The following CCDC178 variants were observed in gnomAD, a reference collection of about 807,000 sequenced individuals.
CCDC178 encodes coiled-coil domain-containing protein 178.
A neutral mutation model predicts 117.4 loss-of-function variants in CCDC178; 126 were observed. The observed-to-expected ratio is 1.07, with a 90% CI of 0.93 to 1.24. The LOEUF is 1.24. Ranked by LOEUF, CCDC178 falls within the 50% of genes most tolerant of loss-of-function variation. The pLI, the probability that CCDC178 is intolerant of heterozygous loss-of-function variation, is 0.00. For missense variants in CCDC178, 1,030 were observed against 986.9 expected, an observed-to-expected ratio of 1.04 and a Z score of -0.59; for synonymous variants, 283 against 313.4, an observed-to-expected ratio of 0.90 and a Z score of 1.02.
At chr18:33,086,649 A>C (rs1003044246) in intron 21 of CCDC178, among the ~76,000 whole-genome samples, 1 of 152,072 alleles carries the variant, frequency 6.6e-6, no homozygotes, top group Non-Finnish European at 1.5e-5. Context: ...ATGCAGTTTA[A>C]ATCTCTAAGA....
chr18:33,177,792 T>C (rs2058680689), intron 20 of CCDC178, among the ~76,000 whole-genome samples: 1 of 152,158 alleles, frequency 6.6e-6, no homozygotes, highest in South Asian at 2.1e-4. Context: ...TTATCTCTAG[T>C]ATCTTTTACT....
intron 20 of CCDC178, among the ~76,000 whole-genome samples, chr18:33,113,996 G>C (rs2057817950): frequency 6.6e-6 from 1 of 151,948 alleles, no homozygotes; most frequent in African/African-American, 2.4e-5. Flanking sequence ...TATTATAGAT[G>C]CTATTTGGTA....
chr18:33,345,655 A>T (rs2062881756), intron 9 of CCDC178, among the ~76,000 whole-genome samples: 1 of 152,190 alleles, frequency 6.6e-6, no homozygotes, highest in East Asian at 1.9e-4. Flanking sequence ...TAGTCATTAT[A>T]GGATATATGC....
chr18:33,249,127 T>C (rs1308587287), intron 14 of CCDC178, among the ~76,000 whole-genome samples: 1 of 152,120 alleles, frequency 6.6e-6, no homozygotes. Context: ...TGTTTTTCTC[T>C]TGTAAATTTG....
At chr18:33,180,631 C>G (rs958268712) in intron 20 of CCDC178, among the ~76,000 whole-genome samples, 1 of 151,888 alleles carries the variant, frequency 6.6e-6, no homozygotes, top group Admixed American at 6.6e-5. Context: ...CAGAATGTGA[C>G]CTACTTCAAT....
At chr18:33,349,480 T>C (rs2062942086) in intron 7 of CCDC178, among the ~76,000 whole-genome samples, 1 of 151,938 alleles carries the variant, frequency 6.6e-6, no homozygotes, top group Non-Finnish European at 1.5e-5. Context: ...TCATAGAAAG[T>C]TCTACTGGAC....
intron 20 of CCDC178, 91 bp from the exon 21 acceptor site, chr18:33,093,001 T>A: frequency 1.3e-6 from 1 of 780,286 alleles, no homozygotes; most frequent in Non-Finnish European, 1.9e-6. Flanking sequence ...TTACATCTTT[T>A]AAATTATCTA....
Position 32,974,596 on chromosome 18 carries a change from T to C in CCDC178, c.2474A>G (p.Asn825Ser). Reference sequence around the variant, plus strand: ...ACTCTCCTGAGAGTCTGTCTGGAAGTTGGCCAGCCTCATCTGGCTGAAGAG... The same window carrying C: ...ACTCTCCTGAGAGTCTGTCTGGAAGCTGGCCAGCCTCATCTGGCTGAAGAG... ...VVLFSQMRLA[N>S]FQTDSQESIQ... The change falls in exon 22 of 23, where the codon AAC becomes AGC. Residue 825 changes from asparagine (N) to serine (S), a missense_variant. By Grantham distance (46) the Asn-to-Ser change is conservative. Coordinates refer to ENST00000383096, the MANE Select transcript of CCDC178 (RefSeq NM_001105528.4). 2 of 1,613,722 alleles carry C rather than the reference T, an allele frequency of 1.2e-6. No homozygotes were observed. Among genetic ancestry groups the C allele is most frequent in the African/African-American group, 1.3e-5 (1 of 75,024 alleles).
At chr18:33,367,259 G>T (rs1262508075) in intron 6 of CCDC178, among the ~76,000 whole-genome samples, 1 of 151,926 alleles carries the variant, frequency 6.6e-6, no homozygotes, top group Non-Finnish European at 1.5e-5. Context: ...CCAAACAATT[G>T]AACTCATGAA....
chr18:33,126,613 C>T (rs1473720096), intron 20 of CCDC178, among the ~76,000 whole-genome samples: 1 of 151,700 alleles, frequency 6.6e-6, no homozygotes, highest in African/African-American at 2.4e-5. Context: ...GTTGGTCCTC[C>T]TGTATGCGTG....
At chr18:33,162,179 T>C (rs2058472873) in intron 20 of CCDC178, among the ~76,000 whole-genome samples, 1 of 152,084 alleles carries the variant, frequency 6.6e-6, no homozygotes, top group Non-Finnish European at 1.5e-5. Context: ...CCGGGGCCTA[T>C]TGTGGGGTGA....
At chr18:33,186,595 C>A (rs1024065869) in intron 20 of CCDC178, among the ~76,000 whole-genome samples, 2 of 152,022 alleles carry the variant, frequency 1.3e-5, no homozygotes, top group African/African-American at 4.8e-5. Context: ...CAGAGAAACT[C>A]TCCTCCCTGA....
chr18:33,417,274 T>C (rs958978343), intron 2 of CCDC178, among the ~76,000 whole-genome samples: 6 of 152,180 alleles, frequency 3.9e-5, no homozygotes, highest in Admixed American at 2.0e-4. Flanking sequence ...AGGAAGACTA[T>C]TGATACATGC....
chr18:33,251,519 A>T (rs140886433), intron 14 of CCDC178, among the ~76,000 whole-genome samples: 102 of 151,862 alleles, frequency 6.7e-4, no homozygotes, highest in African/African-American at 2.3e-3. Flanking sequence ...TGTGCTGCTA[A>T]TGAAGCTTAA....
intron 21 of CCDC178, among the ~76,000 whole-genome samples, chr18:32,996,349 A>G (rs1202753181): frequency 6.6e-6 from 1 of 151,952 alleles, no homozygotes; most frequent in Non-Finnish European, 1.5e-5. Context: ...CAAAGACTTT[A>G]TAATGTACAA....
At chr18:33,393,250 GT>G (rs1285700557) in intron 4 of CCDC178, among the ~76,000 whole-genome samples, 2 of 152,050 alleles carry the variant, frequency 1.3e-5, no homozygotes, top group African/African-American at 4.8e-5. Context: ...ATCTGTAACT[GT>G]TAGTATATAT....
intron 21 of CCDC178, among the ~76,000 whole-genome samples, chr18:32,980,292 T>C (rs1226447685): frequency 6.6e-6 from 1 of 151,928 alleles, no homozygotes; most frequent in Non-Finnish European, 1.5e-5. Context: ...CTTTAACATA[T>C]AAAAAGCCCG....
intron 2 of CCDC178, among the ~76,000 whole-genome samples, chr18:33,438,908 T>C (rs747376018): frequency 7.9e-5 from 12 of 152,118 alleles, no homozygotes; most frequent in Non-Finnish European, 1.3e-4. Flanking sequence ...ATAAACTGAG[T>C]AGACAAATAT....
chr18:33,349,676 A>C (rs1194944968), intron 7 of CCDC178, among the ~76,000 whole-genome samples: 1 of 151,926 alleles, frequency 6.6e-6, no homozygotes, highest in Non-Finnish European at 1.5e-5. Flanking sequence ...AGTTACAAGA[A>C]AATTGGTATC....
Sources: gnomAD v4.1 joint callset for allele counts (sites outside exome capture counted in the v4.1 genomes callset) on GRCh38, gnomAD v4.1.1 for gene constraint, MANE v1.5 for transcripts, NCBI Gene and HGNC (gene_info 2026-07-23, HGNC 2026-07-21) for gene names.